ZBED6: variants seen among roughly 807,000 people sequenced by gnomAD.
The protein encoded by ZBED6 is zinc finger BED-type containing 6, also known as zinc finger BED domain-containing protein 6.
ZBED6 carries 40 observed loss-of-function variants against 58.4 expected under a neutral mutation model. The observed-to-expected ratio is 0.68, with a 90% CI of 0.53 to 0.89. The LOEUF is 0.89. Ranked by LOEUF, ZBED6 falls within the 40% of genes least tolerant of loss-of-function variation. The pLI is 0.00. For synonymous variants in ZBED6, 439 were observed against 350.6 expected, an observed-to-expected ratio of 1.25 and a Z score of -2.82; for missense variants, 1,057 against 1,003.9, an observed-to-expected ratio of 1.05 and a Z score of -0.71.
intron 1 of ZBED6, among the ~76,000 whole-genome samples, chr1:203,803,256 A>C (rs1671075055): frequency 6.6e-6 from 1 of 151,942 alleles, no homozygotes; most frequent in African/African-American, 2.4e-5. Context: ...CAATGGTGCC[A>C]TCTTGGCTCA....
intron 3 of ZBED6, among the ~76,000 whole-genome samples, chr1:203,821,915 G>A (rs939188730): frequency 1.3e-4 from 19 of 151,926 alleles, no homozygotes; most frequent in Admixed American, 3.9e-4. Flanking sequence ...CCGCCACCAC[G>A]CCCGGCTAAT....
At chr1:203,846,248 C>T (rs1044732015) in intron 11 of ZBED6, among the ~76,000 whole-genome samples, 1 of 149,730 alleles carries the variant, frequency 6.7e-6, no homozygotes, top group Non-Finnish European at 1.5e-5. Context: ...ATAGCACTAT[C>T]TCTTTTCATT....
intron 11 of ZBED6, among the ~76,000 whole-genome samples, chr1:203,846,803 T>C (rs1421684583): frequency 6.6e-6 from 1 of 152,166 alleles, no homozygotes; most frequent in Non-Finnish European, 1.5e-5. Flanking sequence ...AGAGTTTTCC[T>C]TGAGGACCAC....
At chr1:203,828,016 A>C (rs1681118934) in intron 3 of ZBED6, among the ~76,000 whole-genome samples, 1 of 151,146 alleles carries the variant, frequency 6.6e-6, no homozygotes, top group Non-Finnish European at 1.5e-5. Flanking sequence ...AACTTAAACT[A>C]CTGTATCATC....
chr1:203,851,952 A>G (rs1205548404), intron 16 of ZBED6, among the ~76,000 whole-genome samples, 189 bp from the exon 17 acceptor site: 1 of 144,698 alleles, frequency 6.9e-6, no homozygotes, highest in Non-Finnish European at 1.5e-5. Context: ...CTGGGTGACA[A>G]AGGGAGACTC....
intron 3 of ZBED6, among the ~76,000 whole-genome samples, chr1:203,825,575 C>T (rs574558255): frequency 6.6e-6 from 1 of 152,020 alleles, no homozygotes; most frequent in South Asian, 2.1e-4. Flanking sequence ...GCTGGGACTA[C>T]AGGCGCCCTC....
At chr1:203,833,183 C>T (rs552300633) in intron 8 of ZBED6, among the ~76,000 whole-genome samples, 5 of 152,236 alleles carry the variant, frequency 3.3e-5, no homozygotes, top group South Asian at 4.2e-4. Flanking sequence ...GCCCGACCAA[C>T]GCGGTGAAAC....
intron 9 of ZBED6, among the ~76,000 whole-genome samples, chr1:203,835,173 A>T (rs994234855): frequency 2.6e-5 from 4 of 152,242 alleles, no homozygotes; most frequent in Non-Finnish European, 4.4e-5. Flanking sequence ...TAAGTAATAA[A>T]AAACTTTCAG....
At chr1:203,800,410 A>C in exon 1 of ZBED6, 1 of 1,260,034 alleles carries the variant, frequency 7.9e-7, no homozygotes, top group Non-Finnish European at 1.1e-6. Context: ...CTGAGCTGGG[A>C]TCCTGAGCAG....
exon 1 of ZBED6, chr1:203,797,833 C>G: frequency 6.5e-7 from 1 of 1,536,062 alleles, no homozygotes; most frequent in Non-Finnish European, 8.7e-7. Flanking sequence ...TTGTTAGCTT[C>G]CAATGACCCT....
chr1:203,830,925 A>ATTTTATTTTTT (rs1682066696), intron 7 of ZBED6, among the ~76,000 whole-genome samples: 11 of 51,352 alleles, frequency 2.1e-4, no homozygotes, highest in African/African-American at 7.8e-4. Context: ...CCAACCCCCA[A>ATTTTATTTTTT]TTTTTTTTTT....
At chr1:203,852,966 A>C (rs1000273857) in exon 17 of ZBED6, 1 of 155,520 alleles carries the variant, frequency 6.4e-6, no homozygotes, top group African/African-American at 2.4e-5. Flanking sequence ...TAATGTGGGC[A>C]TAACTCTTTG....
Position 203,797,810 on chromosome 1 carries a change from A to T in ZBED6, c.288A>T (p.Ala96=), listed in dbSNP as rs548235524. The change falls in exon 1 of 17, where the codon GCA becomes GCT. Residue 96 remains alanine (A), a synonymous_variant. Coordinates refer to ENST00000550078, the Ensembl canonical transcript of ZBED6. ...ATTTGGGATCTGGGAGGCCTGTTGC[A>T]GATGCCCCTGCTTTGTTAGCTTCCA... is the stretch of plus-strand genomic sequence containing the variant. 2.8e-5 allele frequency: 43 copies of T among 1,536,108 alleles called. 1 individual carries two copies. Among genetic ancestry groups the T allele is most frequent in the Middle Eastern group, 1.7e-4 (1 of 5,990 alleles).
At chr1:203,829,972 C>T in intron 6 of ZBED6, 76 bp downstream of exon 6, 1 of 1,420,896 alleles carries the variant, frequency 7.0e-7, no homozygotes, top group Non-Finnish European at 9.9e-7. Flanking sequence ...AATCATTGAC[C>T]TCCCTCTTCT....
intron 8 of ZBED6, among the ~76,000 whole-genome samples, chr1:203,833,408 G>A (rs1451110041): frequency 6.7e-6 from 1 of 149,066 alleles, no homozygotes; most frequent in African/African-American, 2.5e-5. Flanking sequence ...AGTGTGCGCA[G>A]TAGTCCCAGC....
chr1:203,847,379 A>G (rs1688178702), exon 12 of ZBED6: 1 of 1,613,886 alleles, frequency 6.2e-7, no homozygotes, highest in African/African-American at 1.3e-5. Context: ...CTGGCTGAAA[A>G]AAAACATCGG....
intron 13 of ZBED6, 151 bp from the exon 14 acceptor site, chr1:203,849,560 G>A: frequency 1.3e-6 from 1 of 752,446 alleles, no homozygotes; most frequent in South Asian, 1.8e-5. Flanking sequence ...CTTTAACAGG[G>A]TATTGTCTAT....
At chr1:203,804,952 C>A (rs559725873) in intron 1 of ZBED6, among the ~76,000 whole-genome samples, 1 of 151,590 alleles carries the variant, frequency 6.6e-6, no homozygotes, top group Admixed American at 6.6e-5. Context: ...GGATTACAGG[C>A]GTGAGCTATT....
At chr1:203,814,929 A>C (rs1675765061) in intron 1 of ZBED6, 1 of 152,144 alleles carries the variant, frequency 6.6e-6, no homozygotes, top group Non-Finnish European at 1.5e-5. Context: ...TCCCGGGTTC[A>C]AGAAGTTTCC....
Sources: allele counts gnomAD v4.1 joint callset (sites outside exome capture counted in the v4.1 genomes callset), GRCh38; gene constraint gnomAD v4.1.1; transcripts MANE v1.5; gene names NCBI Gene and HGNC (gene_info 2026-07-23, HGNC 2026-07-21).